CPEB3: variants seen among roughly 807,000 people sequenced by gnomAD.
CPEB3 encodes cytoplasmic polyadenylation element-binding protein 3.
CPEB3 carries 20 observed loss-of-function variants against 67.2 expected under a neutral mutation model. The observed-to-expected ratio is 0.30, with a 90% confidence interval of 0.21 to 0.43. The LOEUF is 0.43. Among genes scored for constraint, CPEB3 ranks in the 20% least tolerant of loss-of-function variants. The pLI, the probability that CPEB3 is intolerant of heterozygous loss-of-function variation, is 1.00. For synonymous variants in CPEB3, 376 were observed against 393.1 expected (o/e 0.96, Z 0.51); for missense variants, 746 against 968.6 (o/e 0.77, Z 3.05).
intron 9 of CPEB3, among the ~76,000 whole-genome samples, chr10:92,061,235 A>G (rs1276071170): frequency 6.6e-6 from 1 of 152,108 alleles, no homozygotes; most frequent in African/African-American, 2.4e-5. Context: ...CCTAGACAAC[A>G]TGGTAAAACC....
chr10:92,139,569 G>A (rs1225683802), intron 6 of CPEB3, among the ~76,000 whole-genome samples: 1 of 151,942 alleles, frequency 6.6e-6, no homozygotes, highest in African/African-American at 2.4e-5. Context: ...AAGTGGGCAT[G>A]GTTAATAGGT....
Position 92,047,403 on chromosome 10 carries a change from A to G in CPEB3, c.*4809T>C, listed in dbSNP as rs1852146214. 6.6e-6 allele frequency: 1 copy of G among 152,236 alleles called. No individual in the cohort carries two copies. The highest frequency in any genetic ancestry group is 2.4e-5 in the African/African-American group (1 of 41,458). 9.4% of individuals were successfully genotyped at this position (152,236 alleles called of 1,614,324 possible). A position where few individuals can be genotyped will look rare whatever the true frequency, so the allele number is the denominator to read the frequency against. On this transcript the variant is annotated 3_prime_UTR_variant, in exon 10 of 10. Transcript: ENST00000265997. ...AATCTTTCACTCAAACCTTGCAAGT[A>G]GAGATGTCACAATACTCAAATATTT...
At chr10:92,200,485 A>C (rs1849469281) in intron 2 of CPEB3, among the ~76,000 whole-genome samples, 1 of 134,740 alleles carries the variant, frequency 7.4e-6, no homozygotes, top group Admixed American at 8.5e-5. Context: ...GCAGAGGTTG[A>C]GGTGAGCCGA....
intron 6 of CPEB3, among the ~76,000 whole-genome samples, chr10:92,128,982 A>C (rs1373712983): frequency 6.6e-6 from 1 of 152,234 alleles, no homozygotes; most frequent in East Asian, 1.9e-4. Context: ...CAGCAAACCC[A>C]TTACTGGGTA....
intron 2 of CPEB3, among the ~76,000 whole-genome samples, chr10:92,233,252 G>C (rs1011276977): frequency 6.6e-6 from 1 of 152,212 alleles, no homozygotes; most frequent in African/African-American, 2.4e-5. Context: ...GTGGGGGCCA[G>C]ATGCGGTGGC....
At chr10:92,069,592 A>G (rs1842677501) in intron 9 of CPEB3, among the ~76,000 whole-genome samples, 1 of 152,106 alleles carries the variant, frequency 6.6e-6, no homozygotes, top group Non-Finnish European at 1.5e-5. Context: ...TTTAGTAGAG[A>G]TGAGGTTTCA....
At chr10:92,217,806 G>T (rs185139344) in intron 2 of CPEB3, among the ~76,000 whole-genome samples, 9 of 152,262 alleles carry the variant, frequency 5.9e-5, no homozygotes, top group African/African-American at 2.2e-4. Context: ...AACAACAAAT[G>T]ATTATAAATG....
chr10:92,183,556 T>C (rs1322892360), intron 3 of CPEB3, among the ~76,000 whole-genome samples: 3 of 152,196 alleles, frequency 2.0e-5, no homozygotes, highest in Admixed American at 6.5e-5. Flanking sequence ...TTAATATCTA[T>C]GAAAACTATA....
intron 4 of CPEB3, among the ~76,000 whole-genome samples, chr10:92,161,445 G>C (rs1385334083): frequency 6.6e-6 from 1 of 151,854 alleles, no homozygotes; most frequent in Non-Finnish European, 1.5e-5. Flanking sequence ...CTAATTTTTT[G>C]TATTTTTAGT....
chr10:92,184,604 AAAAAG>A (rs777546033), intron 3 of CPEB3, among the ~76,000 whole-genome samples: 12 of 152,120 alleles, frequency 7.9e-5, no homozygotes, highest in South Asian at 2.1e-4. Context: ...ACTCTGTCTC[AAAAAG>A]AAAAGAAAAG....
chr10:92,106,814 C>CAAAAAAAAAAAAAAAAAAAA (rs531195477), intron 7 of CPEB3, among the ~76,000 whole-genome samples: 9 of 55,988 alleles, frequency 1.6e-4, no homozygotes, highest in African/African-American at 6.1e-4. Flanking sequence ...GACTCTGTCT[C>CAAAAAAAAAAAAAAAAAAAA]AAAAAAAAAA....
intron 6 of CPEB3, among the ~76,000 whole-genome samples, chr10:92,116,071 C>T (rs1388110437): frequency 2.0e-5 from 3 of 151,018 alleles, no homozygotes; most frequent in Non-Finnish European, 4.4e-5. Flanking sequence ...GAAATTCAAA[C>T]TTAGGAGAGT....
intron 2 of CPEB3, among the ~76,000 whole-genome samples, chr10:92,236,693 G>A (rs1484053150): frequency 6.6e-6 from 1 of 152,142 alleles, no homozygotes; most frequent in Non-Finnish European, 1.5e-5. Context: ...AGGTTGCAGT[G>A]AGCCGAGATC....
intron 1 of CPEB3, among the ~76,000 whole-genome samples, chr10:92,288,150 C>T (rs528716673): frequency 6.6e-6 from 1 of 152,256 alleles, no homozygotes; most frequent in South Asian, 2.1e-4. Context: ...TGGGTTTCCA[C>T]TTTTTGGCTA....
chr10:92,278,635 T>A (rs1842110836), intron 1 of CPEB3, among the ~76,000 whole-genome samples: 1 of 147,130 alleles, frequency 6.8e-6, no homozygotes, highest in Non-Finnish European at 1.5e-5. Context: ...AGAGTCTTCC[T>A]CTGTTACCAG....
At chr10:92,097,313 T>C (rs1013940895) in intron 7 of CPEB3, among the ~76,000 whole-genome samples, 1 of 152,222 alleles carries the variant, frequency 6.6e-6, no homozygotes, top group Non-Finnish European at 1.5e-5. Flanking sequence ...ATCTATGCCA[T>C]GGGCCCCACC....
chr10:92,249,826 C>G (rs1191780073), intron 1 of CPEB3, among the ~76,000 whole-genome samples: 1 of 151,592 alleles, frequency 6.6e-6, no homozygotes, highest in Non-Finnish European at 1.5e-5. Flanking sequence ...TTGAAACCAG[C>G]CTTGGTCAAC....
chr10:92,115,727 T>C (rs551060233), intron 6 of CPEB3, among the ~76,000 whole-genome samples: 11 of 152,314 alleles, frequency 7.2e-5, no homozygotes, highest in African/African-American at 2.4e-4. Context: ...TTTAAACTGA[T>C]TGTTGCGTAA....
chr10:92,196,478 G>C (rs12251149), intron 2 of CPEB3, among the ~76,000 whole-genome samples: 2,031 of 152,182 alleles, frequency 0.013, 48 homozygotes, highest in African/African-American at 0.047. Context: ...TCTATAAAAT[G>C]GGATAATTTT....
Sources: gnomAD v4.1 joint callset for allele counts (sites outside exome capture counted in the v4.1 genomes callset) on GRCh38, gnomAD v4.1.1 for gene constraint, MANE v1.5 for transcripts, NCBI Gene and HGNC (gene_info 2026-07-23, HGNC 2026-07-21) for gene names.